TMEM178B: variants seen among roughly 807,000 people sequenced by gnomAD.
TMEM178B encodes transmembrane protein 178B.
Under a neutral mutation model 31.0 loss-of-function variants are expected in TMEM178B, and 5 were observed. The ratio of observed to expected loss-of-function variants is 0.16; its 90% CI spans 0.08 to 0.34. The LOEUF is 0.34. TMEM178B is among the 10% of genes least tolerant of loss of function. TMEM178B has a pLI of 1.00. For synonymous variants in TMEM178B, 164 were observed against 164.0 expected, an observed-to-expected ratio of 1.00 and a Z score of 0.00; for missense variants, 275 against 400.3, an observed-to-expected ratio of 0.69 and a Z score of 2.67.
chr7:141,200,651 A>G (rs1427817045), intron 1 of TMEM178B, among the ~76,000 whole-genome samples: 1 of 152,208 alleles, frequency 6.6e-6, no homozygotes, highest in East Asian at 1.9e-4. Flanking sequence ...TGAACAAGCC[A>G]TGCCAAGCTG....
intron 1 of TMEM178B, among the ~76,000 whole-genome samples, chr7:141,168,622 T>G (rs1796297977): frequency 1.3e-5 from 2 of 152,078 alleles, no homozygotes; most frequent in South Asian, 4.2e-4. Flanking sequence ...AAATACAAAT[T>G]ACCTGGGTGT....
At chr7:141,372,665 A>C (rs938245077) in intron 2 of TMEM178B, among the ~76,000 whole-genome samples, 1 of 152,232 alleles carries the variant, frequency 6.6e-6, no homozygotes, top group Non-Finnish European at 1.5e-5. Flanking sequence ...GGAAGTGTCT[A>C]TGTTCCCATA....
At chr7:141,488,620 A>G in the TMEM178B span, among the ~76,000 whole-genome samples, 42 of 151,952 alleles carry the variant, frequency 2.8e-4, no homozygotes, top group Non-Finnish European at 5.4e-4. Context: ...TTGCATTTTT[A>G]GTAGAGACGG....
intron 2 of TMEM178B, among the ~76,000 whole-genome samples, chr7:141,282,232 A>G (rs1283687717): frequency 6.6e-6 from 1 of 152,192 alleles, no homozygotes; most frequent in African/African-American, 2.4e-5. Context: ...AAAGAAGGAA[A>G]TATTCATAAG....
chr7:141,383,200 A>G (rs1800357263), intron 2 of TMEM178B, among the ~76,000 whole-genome samples: 2 of 152,070 alleles, frequency 1.3e-5, no homozygotes, highest in Non-Finnish European at 2.9e-5. Context: ...AATAAACAAG[A>G]AAACAGAGTA....
intron 2 of TMEM178B, among the ~76,000 whole-genome samples, chr7:141,294,093 G>T (rs1169788339): frequency 6.6e-6 from 1 of 152,148 alleles, no homozygotes. Flanking sequence ...CCACTTGGTG[G>T]TAAGGGATGT....
chr7:141,208,533 A>C (rs141453043), intron 1 of TMEM178B, among the ~76,000 whole-genome samples: 69 of 152,356 alleles, frequency 4.5e-4, no homozygotes, highest in Non-Finnish European at 9.1e-4. Flanking sequence ...TTTTTAGGCA[A>C]TATTTGAATC....
intron 1 of TMEM178B, among the ~76,000 whole-genome samples, chr7:141,087,558 G>A (rs1239984287): frequency 6.6e-6 from 1 of 152,210 alleles, no homozygotes. Context: ...GACAAACCCA[G>A]AATTGAGCAC....
At chr7:141,292,634 C>CTTTTTTTTT (rs34248650) in intron 2 of TMEM178B, among the ~76,000 whole-genome samples, 1 of 106,136 alleles carries the variant, frequency 9.4e-6, no homozygotes. Context: ...GCTTTTAGAT[C>CTTTTTTTTT]TTTTTTTTTT....
chr7:141,201,877 T>C (rs574084038), intron 1 of TMEM178B, among the ~76,000 whole-genome samples: 10 of 152,328 alleles, frequency 6.6e-5, no homozygotes, highest in African/African-American at 2.4e-4. Context: ...AGTTTTACTT[T>C]ATATGTTTCC....
chr7:141,463,879 G>T (rs1409984720), intron 3 of TMEM178B, among the ~76,000 whole-genome samples: 1 of 152,202 alleles, frequency 6.6e-6, no homozygotes, highest in Non-Finnish European at 1.5e-5. Flanking sequence ...CAGGATACAG[G>T]AATACAGGCA....
At chr7:141,242,541 CTTT>C (rs58320290) in intron 2 of TMEM178B, among the ~76,000 whole-genome samples, 16 of 91,592 alleles carry the variant, frequency 1.7e-4, no homozygotes, top group African/African-American at 2.3e-4. Flanking sequence ...GATTCTTTTC[CTTT>C]TTTTTTTTTT....
At chr7:141,384,911 A>G (rs1209659362) in intron 2 of TMEM178B, among the ~76,000 whole-genome samples, 2 of 152,088 alleles carry the variant, frequency 1.3e-5, no homozygotes, top group Admixed American at 6.6e-5. Flanking sequence ...GATATTCTAT[A>G]TAGTGTGGAA....
intron 2 of TMEM178B, among the ~76,000 whole-genome samples, chr7:141,257,129 G>A (rs1469001198): frequency 6.6e-6 from 1 of 152,224 alleles, no homozygotes; most frequent in East Asian, 1.9e-4. Context: ...GTCCAGTGAT[G>A]TGGAAGGAAA....
the TMEM178B span, among the ~76,000 whole-genome samples, chr7:141,492,349 C>T: frequency 6.6e-6 from 1 of 152,214 alleles, no homozygotes; most frequent in African/African-American, 2.4e-5. Context: ...ATATCGGACC[C>T]TGGCTTTGCA....
At chr7:141,324,873 C>T (rs1443824754) in intron 2 of TMEM178B, among the ~76,000 whole-genome samples, 5 of 151,898 alleles carry the variant, frequency 3.3e-5, no homozygotes, top group African/African-American at 4.8e-5. Context: ...CTTTTGTTTC[C>T]GAAACCATGA....
intron 3 of TMEM178B, among the ~76,000 whole-genome samples, chr7:141,453,070 C>T (rs922091670): frequency 3.3e-5 from 5 of 152,206 alleles, no homozygotes; most frequent in African/African-American, 1.2e-4. Flanking sequence ...TTACAGATAG[C>T]GTCTTCTAGA....
At chr7:141,392,063 T>TG (rs1409925577) in intron 2 of TMEM178B, among the ~76,000 whole-genome samples, 2 of 148,694 alleles carry the variant, frequency 1.3e-5, no homozygotes, top group Non-Finnish European at 3.0e-5. Flanking sequence ...ATTCTATGGT[T>TG]TTTTTTTTTG....
At chr7:141,448,286 A>G (rs2116698193) in intron 3 of TMEM178B, among the ~76,000 whole-genome samples, 1 of 152,268 alleles carries the variant, frequency 6.6e-6, no homozygotes, top group Non-Finnish European at 1.5e-5. Context: ...TAAGATCAGA[A>G]TTTATTGAGA....
Sources: gnomAD v4.1 joint callset for allele counts (sites outside exome capture counted in the v4.1 genomes callset) on GRCh38, gnomAD v4.1.1 for gene constraint, MANE v1.5 for transcripts, NCBI Gene and HGNC (gene_info 2026-07-23, HGNC 2026-07-21) for gene names.